CRB1: variants seen among roughly 807,000 people sequenced by gnomAD.
CRB1 encodes the protein protein crumbs homolog 1.
Under a neutral mutation model 120.0 loss-of-function variants are expected in CRB1, and 83 were observed. That is an observed-to-expected ratio of 0.69 (90% CI 0.58 to 0.83). The LOEUF (loss-of-function observed/expected upper bound fraction) is 0.83. CRB1 is among the 40% of genes least tolerant of loss of function. The probability of loss-of-function intolerance (pLI) is 0.00; values close to 1 mark genes in which losing one functional copy is unlikely to be tolerated. For missense variants in CRB1, 1,699 were observed against 1,687.6 expected (o/e 1.01, Z -0.12); for synonymous variants, 625 against 612.5 (o/e 1.02, Z -0.30).
intron 1 of CRB1, among the ~76,000 whole-genome samples, chr1:197,279,937 C>G (rs1453316270): frequency 6.6e-6 from 1 of 151,148 alleles, no homozygotes; most frequent in Non-Finnish European, 1.5e-5. Flanking sequence ...AGACATTAGG[C>G]TGAATGTTTT....
chr1:197,357,107 A>G (rs750899304), intron 5 of CRB1, 94 bp downstream of exon 5: 2 of 1,256,560 alleles, frequency 1.6e-6, no homozygotes, highest in Admixed American at 1.7e-5. Context: ...GAAGAGCTGT[A>G]CTGTGTAAAC....
intron 2 of CRB1, among the ~76,000 whole-genome samples, chr1:197,343,650 T>C (rs1053377236): frequency 1.3e-5 from 2 of 152,242 alleles, no homozygotes; most frequent in Non-Finnish European, 2.9e-5. Context: ...TTGCACATTA[T>C]ATTTGTACAA....
intron 5 of CRB1, among the ~76,000 whole-genome samples, chr1:197,361,440 GAAT>G (rs938966502): frequency 3.1e-4 from 47 of 152,080 alleles, no homozygotes; most frequent in African/African-American, 1.1e-3. Context: ...AGACTATCAA[GAAT>G]ACTTATTTTC....
chr1:197,403,152 T>C (rs1416147738), intron 5 of CRB1, among the ~76,000 whole-genome samples: 1 of 152,240 alleles, frequency 6.6e-6, no homozygotes, highest in Non-Finnish European at 1.5e-5. Context: ...TCCCTTTCTT[T>C]TGTGGAGCAC....
intron 5 of CRB1, among the ~76,000 whole-genome samples, chr1:197,367,031 T>G (rs1661115644): frequency 6.6e-6 from 1 of 152,226 alleles, no homozygotes; most frequent in Non-Finnish European, 1.5e-5. Context: ...TAAATGTCTG[T>G]GCATTTACTT....
chr1:197,305,302 G>C (rs1657097376), intron 1 of CRB1, among the ~76,000 whole-genome samples: 1 of 152,028 alleles, frequency 6.6e-6, no homozygotes, highest in African/African-American at 2.4e-5. Context: ...TGTTGGTGTT[G>C]AGTACATGGG....
intron 5 of CRB1, among the ~76,000 whole-genome samples, chr1:197,361,362 T>A (rs548208252): frequency 6.6e-6 from 1 of 152,260 alleles, no homozygotes; most frequent in East Asian, 1.9e-4. Context: ...TTCAGGGAAA[T>A]CAGCTGATCC....
intron 5 of CRB1, among the ~76,000 whole-genome samples, chr1:197,358,487 A>G (rs768036216): frequency 8.5e-5 from 13 of 152,208 alleles, no homozygotes; most frequent in Non-Finnish European, 1.5e-4. Flanking sequence ...TTGATTTCTG[A>G]AGAGCTGCCA....
chr1:197,269,062 A>G (rs1037726704), intron 1 of CRB1, among the ~76,000 whole-genome samples: 1 of 152,188 alleles, frequency 6.6e-6, no homozygotes, highest in Admixed American at 6.5e-5. Context: ...AACTTCCCCA[A>G]ATAGAAGCAA....
chr1:197,456,329 G>A (rs1666282955), intron 11 of CRB1, among the ~76,000 whole-genome samples: 1 of 152,086 alleles, frequency 6.6e-6, no homozygotes, highest in South Asian at 2.1e-4. Context: ...CTAAGTGATT[G>A]AGATAATGAA....
At chr1:197,306,220 A>G (rs1657167369) in intron 1 of CRB1, among the ~76,000 whole-genome samples, 1 of 152,176 alleles carries the variant, frequency 6.6e-6, no homozygotes, top group African/African-American at 2.4e-5. Context: ...AAATTGCTAT[A>G]TAGCAAGCTG....
intron 1 of CRB1, among the ~76,000 whole-genome samples, chr1:197,287,990 T>C (rs1399480892): frequency 1.3e-5 from 2 of 151,800 alleles, no homozygotes; most frequent in Non-Finnish European, 2.9e-5. Context: ...AGGTGAGCCC[T>C]ATTGCTTGAA....
upstream of CRB1, among the ~76,000 whole-genome samples, chr1:197,263,334 A>T (rs1310074522): frequency 6.6e-6 from 1 of 152,134 alleles, no homozygotes; most frequent in East Asian, 1.9e-4. Flanking sequence ...TCTTCTTTTG[A>T]GAAGTGTCTG....
At chr1:197,272,422 C>T (rs1433214691) in intron 1 of CRB1, among the ~76,000 whole-genome samples, 2 of 152,060 alleles carry the variant, frequency 1.3e-5, no homozygotes, top group African/African-American at 4.8e-5. Flanking sequence ...AGATACTTCT[C>T]TTAGCAAAAT....
At chr1:197,433,423 G>C (rs1407990872) in intron 8 of CRB1, among the ~76,000 whole-genome samples, 1 of 152,096 alleles carries the variant, frequency 6.6e-6, no homozygotes, top group Non-Finnish European at 1.5e-5. Flanking sequence ...AATAAAAGTA[G>C]ATAATTGGCC....
At chr1:197,202,962 G>GGTGT in the CRB1 span, among the ~76,000 whole-genome samples, 651 of 147,632 alleles carry the variant, frequency 4.4e-3, 3 homozygotes, top group East Asian at 0.022. Context: ...ATGTCTTTGT[G>GGTGT]GTGTGTGTGT....
intron 5 of CRB1, among the ~76,000 whole-genome samples, chr1:197,393,575 TCTCA>T (rs1662619009): frequency 6.6e-6 from 1 of 152,100 alleles, no homozygotes; most frequent in Non-Finnish European, 1.5e-5. Flanking sequence ...GGAGAAATAT[TCTCA>T]CTATTATTTT....
At chr1:197,429,663 G>A in intron 8 of CRB1, 49 bp downstream of exon 8, 1 of 1,582,476 alleles carries the variant, frequency 6.3e-7, no homozygotes, top group Non-Finnish European at 8.7e-7. Flanking sequence ...TGCGACATTT[G>A]AGTTGTTCCA....
At position 197,435,640 on chromosome 1, in the gene CRB1, G is replaced by T. The variant is rs72740568; in HGVS notation, c.3749+28G>T. 4.4e-3 allele frequency: 7,008 copies of T among 1,587,118 alleles called. 21 individuals carry two copies. Among genetic ancestry groups the T allele is most frequent in the Non-Finnish European group, 5.5e-3 (6,381 of 1,161,028 alleles). On this transcript the variant is annotated intron_variant, in intron 9 of 11. Coordinates refer to ENST00000367400, the MANE Select transcript of CRB1 (RefSeq NM_201253.3). ...GAGCATAAAGTCCATATGAAGCTTG[G>T]TCTTTGAAGCTATACTCTGCATCAC... is the stretch of plus-strand genomic sequence containing the variant.
Sources: allele counts gnomAD v4.1 joint callset (sites outside exome capture counted in the v4.1 genomes callset), GRCh38; gene constraint gnomAD v4.1.1; transcripts MANE v1.5; gene names NCBI Gene and HGNC (gene_info 2026-07-23, HGNC 2026-07-21).